The following EDIL3 variants were observed in gnomAD, a reference collection of about 807,000 sequenced individuals.
EDIL3 encodes the protein EGF-like repeat and discoidin I-like domain-containing protein 3.
Under a neutral mutation model 67.4 loss-of-function variants are expected in EDIL3, and 37 were observed. The ratio of observed to expected loss-of-function variants is 0.55; its 90% confidence interval spans 0.42 to 0.72. The LOEUF (loss-of-function observed/expected upper bound fraction) is 0.72. EDIL3 is among the 30% of genes least tolerant of loss of function. EDIL3 has a pLI of 0.00. For synonymous variants in EDIL3, 195 were observed against 196.3 expected (o/e 0.99, Z 0.05); for missense variants, 527 against 586.3 (o/e 0.90, Z 1.04).
intron 1 of EDIL3, among the ~76,000 whole-genome samples, chr5:84,356,084 G>T (rs1367113848): frequency 2.0e-5 from 3 of 152,126 alleles, no homozygotes; most frequent in Non-Finnish European, 2.9e-5. Flanking sequence ...TTACTACTAT[G>T]AAATTATATA....
intron 1 of EDIL3, among the ~76,000 whole-genome samples, chr5:84,373,338 C>G (rs1015267679): frequency 3.3e-4 from 50 of 152,138 alleles, no homozygotes; most frequent in African/African-American, 1.2e-3. Context: ...TCTACCCTCC[C>G]TGAATCATAA....
At chr5:84,376,014 T>C (rs1171900442) in intron 1 of EDIL3, among the ~76,000 whole-genome samples, 1 of 152,172 alleles carries the variant, frequency 6.6e-6, no homozygotes, top group East Asian at 1.9e-4. Context: ...TTTAACAAAA[T>C]ATCTCCATGA....
chr5:84,015,901 T>C (rs1266289875), intron 9 of EDIL3, among the ~76,000 whole-genome samples: 4 of 152,178 alleles, frequency 2.6e-5, no homozygotes, highest in Non-Finnish European at 5.9e-5. Flanking sequence ...TAAAAACTTT[T>C]ATTTCAGGTT....
chr5:84,028,237 T>C (rs1745853882), intron 9 of EDIL3, among the ~76,000 whole-genome samples: 1 of 152,182 alleles, frequency 6.6e-6, no homozygotes. Flanking sequence ...TCTGCCTTTA[T>C]AGTATTTTCC....
At chr5:83,971,858 A>C (rs2112139157) in intron 9 of EDIL3, among the ~76,000 whole-genome samples, 1 of 151,484 alleles carries the variant, frequency 6.6e-6, no homozygotes, top group African/African-American at 2.4e-5. Context: ...AAAGCACAAG[A>C]CTCTCCTCCT....
Position 83,996,402 on chromosome 5 carries a change from C to T in EDIL3, c.1138-33042G>A, listed in dbSNP as rs185085179. ...AGCAGAAGGAACAAGGCTGCCAATG[C>T]AGCAGGAGACATTGATGGTGCCAAA... On this transcript the variant is annotated intron_variant, in intron 9 of 10. Transcript: ENST00000296591. 3.4e-3 allele frequency among the ~76,000 whole-genome samples: 514 copies of T among 152,320 alleles called. 10 individuals carry two copies. Among genetic ancestry groups the T allele is most frequent in the Non-Finnish European group, 2.4e-3 (166 of 68,026 alleles).
intron 10 of EDIL3, among the ~76,000 whole-genome samples, chr5:83,953,193 A>G (rs1744450512): frequency 6.6e-6 from 1 of 151,818 alleles, no homozygotes; most frequent in South Asian, 2.1e-4. Flanking sequence ...AAGATCAAAT[A>G]TTTTGAATAT....
intron 5 of EDIL3, among the ~76,000 whole-genome samples, chr5:84,124,140 A>G (rs1219871575): frequency 6.6e-6 from 1 of 151,948 alleles, no homozygotes; most frequent in East Asian, 1.9e-4. Context: ...ATACTTATGC[A>G]GGTATTTTAG....
At chr5:84,373,788 A>G (rs957211897) in intron 1 of EDIL3, among the ~76,000 whole-genome samples, 3 of 152,144 alleles carry the variant, frequency 2.0e-5, no homozygotes, top group Non-Finnish European at 2.9e-5. Flanking sequence ...AGGAAAGGTA[A>G]AAGCTAGAAA....
intron 1 of EDIL3, 138 bp downstream of exon 1, chr5:84,384,170 T>G: frequency 9.3e-7 from 1 of 1,070,132 alleles, no homozygotes; most frequent in Admixed American, 2.4e-5. Context: ...CACCCAGGAC[T>G]CGACGCCTCC....
intron 3 of EDIL3, among the ~76,000 whole-genome samples, chr5:84,185,916 T>C (rs999670669): frequency 1.3e-5 from 2 of 152,168 alleles, no homozygotes; most frequent in Non-Finnish European, 2.9e-5. Flanking sequence ...TAACTACTTC[T>C]ATATAAATAA....
At chr5:84,249,460 C>T (rs920782431) in intron 2 of EDIL3, among the ~76,000 whole-genome samples, 1 of 149,606 alleles carries the variant, frequency 6.7e-6, no homozygotes, top group Non-Finnish European at 1.5e-5. Flanking sequence ...TATCTATCTC[C>T]ATCTTTCTGT....
At chr5:83,992,780 A>G (rs2112160948) in intron 9 of EDIL3, among the ~76,000 whole-genome samples, 1 of 152,192 alleles carries the variant, frequency 6.6e-6, no homozygotes, top group African/African-American at 2.4e-5. Flanking sequence ...TAGAAATATC[A>G]TTGTAAACTA....
intron 1 of EDIL3, among the ~76,000 whole-genome samples, chr5:84,271,308 G>GCCA (rs2112096553): frequency 6.6e-6 from 1 of 152,016 alleles, no homozygotes; most frequent in South Asian, 2.1e-4. Context: ...CAGCTACTCG[G>GCCA]GAGACTGAGG....
At chr5:84,175,482 C>A (rs553666953) in intron 4 of EDIL3, among the ~76,000 whole-genome samples, 1 of 152,286 alleles carries the variant, frequency 6.6e-6, no homozygotes, top group African/African-American at 2.4e-5. Context: ...TGTCCTGAAA[C>A]GCCTCATCTG....
At chr5:84,117,029 T>A (rs1013941464) in intron 5 of EDIL3, among the ~76,000 whole-genome samples, 2 of 123,458 alleles carry the variant, frequency 1.6e-5, no homozygotes, top group African/African-American at 3.7e-5. Flanking sequence ...TATTTTTTTT[T>A]TTTTTTTTTT....
In EDIL3 at chr5:84,315,847, G is replaced by A. The variant is rs528229108; in HGVS notation, c.68-61635C>T. Among the ~76,000 whole-genome samples, 25 of 152,234 alleles carry A rather than the reference G, an allele frequency of 1.6e-4. No homozygotes were observed. The South Asian group carries it at 5.0e-3, about 30-fold the overall frequency. On this transcript the variant is annotated intron_variant, in intron 1 of 10. Transcript: ENST00000296591. The stretch of plus-strand genomic sequence containing the variant: ...GTTGAAATGAAGGAAAAAGTGCTAA[G>A]GGCAGCCAGAGAGAAAGGTCAAGTT...
At chr5:83,953,058 C>T (rs1044889673) in intron 10 of EDIL3, among the ~76,000 whole-genome samples, 3 of 151,706 alleles carry the variant, frequency 2.0e-5, no homozygotes, top group Admixed American at 6.6e-5. Context: ...TAGGTGTGAG[C>T]GTAAGCATGT....
At chr5:83,974,703 T>C (rs1368971158) in intron 9 of EDIL3, among the ~76,000 whole-genome samples, 1 of 152,024 alleles carries the variant, frequency 6.6e-6, no homozygotes. Context: ...TTAAAAGTCA[T>C]GATTATAGAC....
Sources: allele counts gnomAD v4.1 joint callset (sites outside exome capture counted in the v4.1 genomes callset), GRCh38; gene constraint gnomAD v4.1.1; transcripts MANE v1.5; gene names NCBI Gene and HGNC (gene_info 2026-07-23, HGNC 2026-07-21).